Variants in SGCZ observed in about 807,000 individuals in gnomAD.
SGCZ encodes the protein sarcoglycan zeta.
A neutral mutation model predicts 41.3 loss-of-function variants in SGCZ; 40 were observed. The observed-to-expected ratio is 0.97, with a 90% confidence interval of 0.75 to 1.26. SGCZ has a LOEUF of 1.26. Ranked by LOEUF, SGCZ falls within the 50% of genes most tolerant of loss-of-function variation. The probability of loss-of-function intolerance (pLI) is 0.00; values close to 1 mark genes in which losing one functional copy is unlikely to be tolerated. For synonymous variants in SGCZ, 206 were observed against 137.5 expected (o/e 1.50, Z -3.49); for missense variants, 552 against 369.8 (o/e 1.49, Z -4.04).
intron 4 of SGCZ, 106 bp from the exon 5 acceptor site, chr8:14,164,808 T>C (rs1804158773): frequency 7.5e-7 from 1 of 1,338,492 alleles, no homozygotes; most frequent in African/African-American, 1.5e-5. Context: ...AATTTGTTTA[T>C]CTCTGCTGTA....
At chr8:14,575,898 CCT>C (rs1804692608) in intron 1 of SGCZ, among the ~76,000 whole-genome samples, 1 of 115,490 alleles carries the variant, frequency 8.7e-6, no homozygotes, top group Admixed American at 1.1e-4. Context: ...AGAGTGAGAC[CCT>C]GTCTCAAAAT....
At chr8:14,571,096 C>G (rs1804537404) in intron 1 of SGCZ, among the ~76,000 whole-genome samples, 1 of 152,062 alleles carries the variant, frequency 6.6e-6, no homozygotes, top group African/African-American at 2.4e-5. Flanking sequence ...TTCCACATGG[C>G]TGAGGAGGCC....
intron 1 of SGCZ, among the ~76,000 whole-genome samples, chr8:14,776,558 G>A (rs1441945019): frequency 4.1e-5 from 5 of 121,926 alleles, no homozygotes; most frequent in African/African-American, 6.3e-5. Context: ...TCGGTCTGTC[G>A]CCCATGCTCA....
intron 1 of SGCZ, among the ~76,000 whole-genome samples, chr8:14,879,573 G>T (rs986195375): frequency 7.1e-6 from 1 of 140,876 alleles, no homozygotes; most frequent in Non-Finnish European, 1.5e-5. Context: ...AATGAGGGGA[G>T]ATACACACAC....
chr8:14,336,566 A>T (rs1038993924), intron 2 of SGCZ, among the ~76,000 whole-genome samples: 1 of 152,146 alleles, frequency 6.6e-6, no homozygotes, highest in African/African-American at 2.4e-5. Context: ...ACAGTGTATA[A>T]GCATTCTCTT....
chr8:15,129,569 G>C (rs907527168), intron 1 of SGCZ, among the ~76,000 whole-genome samples: 2 of 152,010 alleles, frequency 1.3e-5, no homozygotes, highest in Admixed American at 6.6e-5. Flanking sequence ...GAAAGAAATA[G>C]CACTGGAAAA....
intron 4 of SGCZ, among the ~76,000 whole-genome samples, chr8:14,205,911 G>A (rs772985420): frequency 2.6e-5 from 4 of 152,024 alleles, no homozygotes; most frequent in African/African-American, 7.2e-5. Flanking sequence ...AAGAATCATA[G>A]GGCATTTTTC....
At chr8:14,687,793 T>C (rs1808665250) in intron 1 of SGCZ, among the ~76,000 whole-genome samples, 1 of 152,016 alleles carries the variant, frequency 6.6e-6, no homozygotes, top group East Asian at 1.9e-4. Flanking sequence ...ATGGATGAAC[T>C]AGTTTACAGT....
rs892076477 is a variant in SGCZ at position 14,085,522 on chromosome 8, T to C, written c.*4921A>G. On this transcript the variant is annotated 3_prime_UTR_variant, in exon 8 of 8. Coordinates refer to ENST00000382080, the MANE Select transcript of SGCZ (RefSeq NM_139167.4). ...ATCTCATTTCCTTTAATGGTTTTCA[T>C]TGGCTTTCTCAAAATGCAGAGCCAC... 2.6e-5 allele frequency among the ~76,000 whole-genome samples: 4 copies of C among 151,758 alleles called. No homozygotes were observed. Among genetic ancestry groups the C allele is most frequent in the African/African-American group, 7.2e-5 (3 of 41,426 alleles).
Position 14,551,472 on chromosome 8 carries a change from ATTATATAT to A in SGCZ, c.234+3252_234+3259del, listed in dbSNP as rs1803816278. 1.6e-4 allele frequency among the ~76,000 whole-genome samples: 3 copies of A among 18,648 alleles called. 1 individual carries two copies. Among genetic ancestry groups the A allele is most frequent in the Non-Finnish European group, 5.5e-4 (3 of 5,426 alleles). 12.2% of individuals were successfully genotyped at this position (18,648 alleles called of 152,430 possible). A position where few individuals can be genotyped will look rare whatever the true frequency, so the allele number is the denominator to read the frequency against. On this transcript the variant is annotated intron_variant, in intron 2 of 7. Coordinates refer to ENST00000382080, the MANE Select transcript of SGCZ (RefSeq NM_139167.4). ...TATATATATTATATATATTATATATATTATATATTATATATATTATATATATTATATAT... is the reference window on the plus strand; with the variant it reads ...TATATATATTATATATATTATATATATATATATATTATATATATTATATAT...
At chr8:14,584,287 C>T (rs950979845) in intron 1 of SGCZ, among the ~76,000 whole-genome samples, 12 of 151,992 alleles carry the variant, frequency 7.9e-5, no homozygotes, top group African/African-American at 2.7e-4. Context: ...ACAGGTAACC[C>T]GAGAAAGTCA....
chr8:14,809,014 G>C (rs1462624148), intron 1 of SGCZ, among the ~76,000 whole-genome samples: 1 of 151,148 alleles, frequency 6.6e-6, no homozygotes, highest in Non-Finnish European at 1.5e-5. Flanking sequence ...CTCACTCATA[G>C]GTGGGAATTG....
chr8:14,513,626 T>C (rs1438512614), intron 2 of SGCZ, among the ~76,000 whole-genome samples: 2 of 148,996 alleles, frequency 1.3e-5, no homozygotes, highest in Non-Finnish European at 3.0e-5. Context: ...GCATATTTGA[T>C]GCATGTTCTT....
chr8:14,974,396 G>C (rs923423266), intron 1 of SGCZ, among the ~76,000 whole-genome samples: 24 of 152,178 alleles, frequency 1.6e-4, no homozygotes, highest in African/African-American at 5.3e-4. Flanking sequence ...CTGGGAACTT[G>C]AAATTAGCAT....
At chr8:14,947,177 G>A (rs190208549) in intron 1 of SGCZ, among the ~76,000 whole-genome samples, 139 of 152,236 alleles carry the variant, frequency 9.1e-4, no homozygotes, top group Non-Finnish European at 1.6e-3. Context: ...TCTGGGGAAG[G>A]ACAAGCTGTT....
chr8:14,469,345 G>T (rs369833652), intron 2 of SGCZ, among the ~76,000 whole-genome samples: 3 of 151,722 alleles, frequency 2.0e-5, no homozygotes, highest in African/African-American at 4.9e-5. Context: ...AATACAGCTT[G>T]CTCTGGAGAT....
chr8:14,124,808 C>A (rs1479552304), intron 5 of SGCZ, among the ~76,000 whole-genome samples: 1 of 152,056 alleles, frequency 6.6e-6, no homozygotes, highest in East Asian at 1.9e-4. Context: ...TAAATTGGAT[C>A]CTAAAAGCCC....
intron 4 of SGCZ, among the ~76,000 whole-genome samples, chr8:14,214,797 G>A (rs1359601983): frequency 2.6e-5 from 4 of 152,046 alleles, no homozygotes; most frequent in Middle Eastern, 3.4e-3. Flanking sequence ...AATTATTTTA[G>A]AAATCCACTA....
At chr8:14,183,718 G>T (rs747214709) in intron 4 of SGCZ, among the ~76,000 whole-genome samples, 9 of 152,050 alleles carry the variant, frequency 5.9e-5, no homozygotes, top group Admixed American at 5.9e-4. Flanking sequence ...TTAAACACTT[G>T]ATAATAATGA....
Sources: gnomAD v4.1 joint callset for allele counts (sites outside exome capture counted in the v4.1 genomes callset) on GRCh38, gnomAD v4.1.1 for gene constraint, MANE v1.5 for transcripts, NCBI Gene and HGNC (gene_info 2026-07-23, HGNC 2026-07-21) for gene names.